The following FANK1 variants were observed in gnomAD, a reference collection of about 807,000 sequenced individuals.
FANK1 encodes fibronectin type 3 and ankyrin repeat domains protein 1.
FANK1 carries 44 observed loss-of-function variants against 45.3 expected under a neutral mutation model. That is an observed-to-expected ratio of 0.97 (90% CI 0.76 to 1.25). FANK1 has a LOEUF of 1.25. Among genes scored for constraint, FANK1 ranks in the 50% most tolerant of loss-of-function variants. FANK1 has a pLI of 0.00. For missense variants in FANK1, 391 were observed against 424.4 expected (o/e 0.92, Z 0.69); for synonymous variants, 149 against 152.5 (o/e 0.98, Z 0.17).
chr10:125,948,734 T>C (rs1203289096), intron 1 of FANK1, among the ~76,000 whole-genome samples: 1 of 151,686 alleles, frequency 6.6e-6, no homozygotes, highest in African/African-American at 2.4e-5. Flanking sequence ...TTCCAATCAA[T>C]AGAAAAAGAG....
At chr10:125,969,673 G>C (rs1950373034) in intron 1 of FANK1, among the ~76,000 whole-genome samples, 1 of 151,864 alleles carries the variant, frequency 6.6e-6, no homozygotes. Flanking sequence ...GTTTCTCGGA[G>C]AGGGGGATTT....
At chr10:125,988,838 G>T (rs1951740020) in intron 3 of FANK1, 163 bp downstream of exon 3, 1 of 1,080,158 alleles carries the variant, frequency 9.3e-7, no homozygotes, top group Non-Finnish European at 1.4e-6. Flanking sequence ...GCCATAACTT[G>T]TAATGTCAGG....
chr10:125,948,545 C>T (rs543452268), intron 1 of FANK1, among the ~76,000 whole-genome samples: 2,213 of 152,290 alleles, frequency 0.015, 56 homozygotes, highest in African/African-American at 0.05. Context: ...CACATACACT[C>T]TCCCAAGACT....
At chr10:125,941,199 G>A (rs916738936) in intron 1 of FANK1, among the ~76,000 whole-genome samples, 1 of 152,114 alleles carries the variant, frequency 6.6e-6, no homozygotes, top group African/African-American at 2.4e-5. Context: ...TATCTAACAG[G>A]ATTAGATTTC....
At chr10:125,901,948 C>T (rs1386769442) in intron 1 of FANK1, among the ~76,000 whole-genome samples, 2 of 152,196 alleles carry the variant, frequency 1.3e-5, no homozygotes, top group African/African-American at 2.4e-5. Flanking sequence ...GGCGAAACCC[C>T]GTCTCTACTA....
At chr10:125,943,203 T>C (rs1948564225) in intron 1 of FANK1, among the ~76,000 whole-genome samples, 1 of 152,230 alleles carries the variant, frequency 6.6e-6, no homozygotes, top group Non-Finnish European at 1.5e-5. Flanking sequence ...ATTTTCTGTA[T>C]TTTCTGTTAA....
At chr10:125,925,655 C>G (rs1354907943) in intron 1 of FANK1, among the ~76,000 whole-genome samples, 2 of 152,228 alleles carry the variant, frequency 1.3e-5, no homozygotes, top group Non-Finnish European at 2.9e-5. Context: ...CCTCTGCTTC[C>G]TGAGTCACTG....
In FANK1 at chr10:125,971,932, G is replaced by A. The variant is rs143484695; in HGVS notation, c.14-8229G>A. Among the ~76,000 whole-genome samples, 556 of 152,092 alleles carry A rather than the reference G, an allele frequency of 3.7e-3. 2 individuals are homozygous for A. Among genetic ancestry groups the A allele is most frequent in the Non-Finnish European group, 4.2e-3 (288 of 67,968 alleles). On this transcript the variant is annotated intron_variant, in intron 1 of 10. Coordinates refer to ENST00000368693, the MANE Select transcript of FANK1 (RefSeq NM_145235.5). ...GTGAGCCACTGCGCCCGGCCGCTCCGGTCTACATTTTATATCTCTACTCTT... is the reference window on the plus strand; with the variant it reads ...GTGAGCCACTGCGCCCGGCCGCTCCAGTCTACATTTTATATCTCTACTCTT...
chr10:125,914,758 C>T (rs963609725), intron 1 of FANK1, among the ~76,000 whole-genome samples: 2 of 152,046 alleles, frequency 1.3e-5, no homozygotes, highest in African/African-American at 2.4e-5. Context: ...GCTGTAGTCT[C>T]CTAGTTTGTG....
At chr10:125,899,100 G>C (rs1448270594) in intron 1 of FANK1, among the ~76,000 whole-genome samples, 5 of 152,240 alleles carry the variant, frequency 3.3e-5, no homozygotes, top group Admixed American at 1.3e-4. Context: ...CGCTGTTGTT[G>C]CCCAAGCTGG....
intron 1 of FANK1, among the ~76,000 whole-genome samples, chr10:125,934,428 G>T (rs956350258): frequency 6.6e-6 from 1 of 152,070 alleles, no homozygotes; most frequent in Non-Finnish European, 1.5e-5. Flanking sequence ...TGAGCTGAGC[G>T]TGGCTCCAAG....
intron 3 of FANK1, among the ~76,000 whole-genome samples, chr10:125,993,189 A>G (rs1952063552): frequency 6.6e-6 from 1 of 152,258 alleles, no homozygotes. Flanking sequence ...CTTAGTAGAA[A>G]TAGAATGAGC....
chr10:125,957,045 C>T lies in FANK1; in HGVS notation c.14-23116C>T, dbSNP rs112295393. Among the ~76,000 whole-genome samples the T allele has an allele frequency of 6.2e-3, 947 of 152,236 alleles. 13 individuals carry two copies. Among genetic ancestry groups the T allele is most frequent in the South Asian group, 0.026 (125 of 4,820 alleles). ...GGCTGTTTTCTATTTTTAGTAGAGACGGGGTTTCACCATGTTAGCTAGGAT... is the reference window on the plus strand; with the variant it reads ...GGCTGTTTTCTATTTTTAGTAGAGATGGGGTTTCACCATGTTAGCTAGGAT... On this transcript the variant is annotated intron_variant, in intron 1 of 10. Coordinates refer to ENST00000368693, the MANE Select transcript of FANK1 (RefSeq NM_145235.5).
chr10:125,989,178 G>C, intron 3 of FANK1: 1 of 960,468 alleles, frequency 1.0e-6, no homozygotes. Flanking sequence ...CTGTGAGGGA[G>C]AGCCCCACAT....
chr10:125,962,709 A>G (rs1949996480), intron 1 of FANK1, among the ~76,000 whole-genome samples: 1 of 152,096 alleles, frequency 6.6e-6, no homozygotes, highest in Admixed American at 6.5e-5. Flanking sequence ...TACTGACAGG[A>G]TAATGTATTT....
chr10:126,008,596 T>G (rs2292690), intron 8 of FANK1, 46 bp downstream of exon 8: 1,057,379 of 1,569,098 alleles, frequency 0.67, 359,332 homozygotes, highest in East Asian at 0.79. Context: ...GTGGAATTAA[T>G]GTCAGAGCTT....
chr10:125,939,962 G>T (rs1948341606), intron 1 of FANK1, among the ~76,000 whole-genome samples: 1 of 150,294 alleles, frequency 6.7e-6, no homozygotes. Flanking sequence ...ACAGAGTCTC[G>T]CTCTGTTGCC....
chr10:125,954,451 G>A (rs1949447333), intron 1 of FANK1, among the ~76,000 whole-genome samples: 1 of 152,142 alleles, frequency 6.6e-6, no homozygotes, highest in Non-Finnish European at 1.5e-5. Context: ...TTAAATATTA[G>A]TATTGTCATG....
intron 1 of FANK1, among the ~76,000 whole-genome samples, chr10:125,942,981 T>C (rs980691158): frequency 6.6e-6 from 1 of 152,010 alleles, no homozygotes; most frequent in Non-Finnish European, 1.5e-5. Flanking sequence ...ACCGGGCTAA[T>C]TTTTGTATTT....
Sources: gnomAD v4.1 joint callset for allele counts (sites outside exome capture counted in the v4.1 genomes callset) on GRCh38, gnomAD v4.1.1 for gene constraint, MANE v1.5 for transcripts, NCBI Gene and HGNC (gene_info 2026-07-23, HGNC 2026-07-21) for gene names.